USP25: variants seen among roughly 807,000 people sequenced by gnomAD.
USP25 encodes ubiquitin carboxyl-terminal hydrolase 25.
USP25 carries 85 observed loss-of-function variants against 158.5 expected under a neutral mutation model. The observed-to-expected ratio is 0.54, with a 90% CI of 0.45 to 0.64. The LOEUF is 0.64. Ranked by LOEUF, USP25 falls within the 30% of genes least tolerant of loss-of-function variation. The probability of loss-of-function intolerance (pLI) is 0.00; values close to 1 mark genes in which losing one functional copy is unlikely to be tolerated. For synonymous variants in USP25, 464 were observed against 460.4 expected (o/e 1.01, Z -0.10); for missense variants, 1,242 against 1,327.3 (o/e 0.94, Z 1.00).
intron 20 of USP25, among the ~76,000 whole-genome samples, chr21:15,856,736 G>C (rs549526808): frequency 6.6e-6 from 1 of 152,316 alleles, no homozygotes; most frequent in Admixed American, 6.5e-5. Context: ...CTCCCAAAGT[G>C]CTGGGAGTAC....
intron 5 of USP25, among the ~76,000 whole-genome samples, chr21:15,795,394 A>T (rs889098310): frequency 2.0e-5 from 3 of 151,562 alleles, no homozygotes; most frequent in Non-Finnish European, 4.4e-5. Context: ...AAATGCTTCA[A>T]CATGTTTGTT....
At chr21:15,820,142 C>T (rs142960678) in intron 10 of USP25, among the ~76,000 whole-genome samples, 360 of 152,074 alleles carry the variant, frequency 2.4e-3, no homozygotes, top group African/African-American at 8.3e-3. Context: ...GGGACTTTAC[C>T]AGTATCCCAC....
intron 1 of USP25, among the ~76,000 whole-genome samples, chr21:15,730,712 C>G (rs1278297890): frequency 1.3e-5 from 2 of 152,240 alleles, no homozygotes; most frequent in African/African-American, 4.8e-5. Context: ...CCCTCACATT[C>G]CTACAGTGCT....
intron 4 of USP25, among the ~76,000 whole-genome samples, chr21:15,781,119 T>TA (rs2034938634): frequency 6.6e-6 from 1 of 152,196 alleles, no homozygotes; most frequent in South Asian, 2.1e-4. Flanking sequence ...GTACCACTGA[T>TA]ATCCCCAGGA....
chr21:15,734,454 G>A (rs1601226194), intron 1 of USP25, among the ~76,000 whole-genome samples: 1 of 152,122 alleles, frequency 6.6e-6, no homozygotes, highest in Non-Finnish European at 1.5e-5. Context: ...CTTGATTTGG[G>A]CAGAGAGGTT....
chr21:15,829,672 TA>T (rs1445261818), intron 14 of USP25, among the ~76,000 whole-genome samples: 2 of 152,240 alleles, frequency 1.3e-5, no homozygotes, highest in Non-Finnish European at 2.9e-5. Context: ...ATAGAAAGTT[TA>T]ATGTATTGTG....
chr21:15,823,099 A>G (rs1039355311), intron 10 of USP25, among the ~76,000 whole-genome samples: 1 of 152,036 alleles, frequency 6.6e-6, no homozygotes, highest in African/African-American at 2.4e-5. Context: ...TTATTGACAG[A>G]TGTGTGGTGG....
In USP25 at chr21:15,822,761, T is replaced by G. The variant is rs2037296306; in HGVS notation, c.1081-1278T>G. ...TTGCCAGTTCCATGTGAGATCAAAA[T>G]GAGTAAGCAAACTTTGCTAATCAAA... is the stretch of plus-strand genomic sequence containing the variant. On this transcript the variant is annotated intron_variant, in intron 10 of 25. Transcript: ENST00000400183. 3.3e-5 allele frequency among the ~76,000 whole-genome samples: 5 copies of G among 152,030 alleles called. No homozygotes were observed. The South Asian group carries it at 1.0e-3, about 31-fold the overall frequency.
chr21:15,836,027 TCTC>T (rs1463732557), intron 17 of USP25, among the ~76,000 whole-genome samples: 1 of 152,162 alleles, frequency 6.6e-6, no homozygotes, highest in East Asian at 1.9e-4. Flanking sequence ...TTCTGATTCT[TCTC>T]ATGGTTTTCA....
chr21:15,759,728 T>C (rs1279883072), intron 1 of USP25, among the ~76,000 whole-genome samples: 1 of 152,174 alleles, frequency 6.6e-6, no homozygotes, highest in Admixed American at 6.5e-5. Context: ...GTGTTTATGT[T>C]AATGCTGGAG....
chr21:15,853,248 CATT>C (rs924540121), intron 20 of USP25, among the ~76,000 whole-genome samples: 1 of 152,078 alleles, frequency 6.6e-6, no homozygotes, highest in African/African-American at 2.4e-5. Context: ...GACAGTATCA[CATT>C]ATCTTTACTA....
chr21:15,778,577 T>C (rs1475267818), intron 4 of USP25, among the ~76,000 whole-genome samples: 2 of 152,114 alleles, frequency 1.3e-5, no homozygotes, highest in African/African-American at 2.4e-5. Context: ...CATGATAATA[T>C]GTTTATATAT....
Position 15,771,441 on chromosome 21 carries a change from A to T in USP25, c.268+5300A>T, listed in dbSNP as rs1267173710. Among the ~76,000 whole-genome samples the T allele has an allele frequency of 2.0e-5, 3 of 152,244 alleles. No individual in the cohort carries two copies. The East Asian group carries it at 5.8e-4, about 29-fold the overall frequency. On this transcript the variant is annotated intron_variant, in intron 3 of 25. Transcript: ENST00000400183. ...CGTATTTGTACAGATACCTGAGCGA[A>T]GTGTGAGCATGAACTTTTGGCTCTC... is the stretch of plus-strand genomic sequence containing the variant.
intron 1 of USP25, among the ~76,000 whole-genome samples, chr21:15,760,062 C>G (rs975889498): frequency 1.3e-5 from 2 of 152,192 alleles, no homozygotes; most frequent in Non-Finnish European, 2.9e-5. Context: ...GCAGACACTG[C>G]CAATGCCTAT....
At chr21:15,848,775 A>T (rs1387641859) in intron 19 of USP25, among the ~76,000 whole-genome samples, 1 of 152,164 alleles carries the variant, frequency 6.6e-6, no homozygotes, top group East Asian at 1.9e-4. Context: ...TTTGTGAGAT[A>T]AACTGGTCAG....
rs1385890720 is a variant in USP25, at chr21:15,827,199, C to T, written c.1689C>T (p.Thr563=). The change falls in exon 14 of 26, where the codon ACC becomes ACT. Residue 563 remains threonine, a synonymous_variant. Coordinates refer to ENST00000400183, the MANE Select transcript of USP25 (RefSeq NM_001283041.3). ...HRWRTEIEND[T]RDLQESISRI... is the part of the protein sequence containing the mutation. ...GGAGGACAGAAATAGAAAATGACAC[C>T]AGAGGTAAGAAGTGTCTCATAGCAT... The T allele has an allele frequency of 1.2e-6, 2 of 1,613,210 alleles. No individual in the cohort carries two copies. The highest frequency in any genetic ancestry group is 1.3e-5 in the African/African-American group (1 of 74,894).
At chr21:15,827,237 C>G in intron 14 of USP25, 34 bp downstream of exon 14, 1 of 1,515,066 alleles carries the variant, frequency 6.6e-7, no homozygotes, top group Non-Finnish European at 9.2e-7. Context: ...TTACTGTCAC[C>G]TCAGATGGAT....
intron 24 of USP25, 66 bp downstream of exon 24, chr21:15,874,592 A>G: frequency 2.1e-6 from 3 of 1,463,154 alleles, no homozygotes; most frequent in South Asian, 1.4e-5. Context: ...TTCCAGACTC[A>G]TATATAAGTG....
chr21:15,806,801 T>C (rs778288814), intron 7 of USP25, among the ~76,000 whole-genome samples: 6 of 152,194 alleles, frequency 3.9e-5, no homozygotes, highest in Non-Finnish European at 8.8e-5. Flanking sequence ...TTTTTAAAAG[T>C]GAATTTATAT....
Sources: gnomAD v4.1 joint callset for allele counts (sites outside exome capture counted in the v4.1 genomes callset) on GRCh38, gnomAD v4.1.1 for gene constraint, MANE v1.5 for transcripts, NCBI Gene and HGNC (gene_info 2026-07-23, HGNC 2026-07-21) for gene names.